The following TFCP2 variants were observed in gnomAD, a reference collection of about 807,000 sequenced individuals.
TFCP2 encodes alpha-globin transcription factor CP2.
A neutral mutation model predicts 73.4 loss-of-function variants in TFCP2; 33 were observed. The observed-to-expected ratio is 0.45, with a 90% CI of 0.34 to 0.60. TFCP2 has a LOEUF of 0.60. TFCP2 is among the 20% of genes least tolerant of loss of function. TFCP2 has a pLI of 0.01. For synonymous variants in TFCP2, 193 were observed against 211.6 expected, an observed-to-expected ratio of 0.91 and a Z score of 0.76; for missense variants, 352 against 604.0, an observed-to-expected ratio of 0.58 and a Z score of 4.37.
chr12:51,144,006 A>G lies in TFCP2; in HGVS notation c.123-25234T>C, dbSNP rs561995274. The stretch of plus-strand genomic sequence containing the variant: ...AGGTTCAATTCCAATAAATATTGCA[A>G]TAGATTCAACTTGACAAGATGATTC... On this transcript the variant is annotated intron_variant, in intron 1 of 14. Transcript: ENST00000257915. Among the ~76,000 whole-genome samples the G allele has an allele frequency of 9.2e-5, 14 of 152,318 alleles. No homozygotes were observed. In the South Asian group the frequency reaches 2.5e-3, roughly 27 times the overall value.
At chr12:51,098,012 C>T (rs1324807940) in intron 13 of TFCP2, among the ~76,000 whole-genome samples, 1 of 149,418 alleles carries the variant, frequency 6.7e-6, no homozygotes, top group East Asian at 2.0e-4. Flanking sequence ...GAGACTCTGT[C>T]TCAAAAAAAA....
At chr12:51,161,408 C>A (rs1039177410) in intron 1 of TFCP2, among the ~76,000 whole-genome samples, 2 of 151,758 alleles carry the variant, frequency 1.3e-5, no homozygotes, top group African/African-American at 4.8e-5. Context: ...TGGCTGGGCA[C>A]AGTGGCTCAC....
chr12:51,154,689 A>C (rs1941500808), intron 1 of TFCP2, among the ~76,000 whole-genome samples: 1 of 152,146 alleles, frequency 6.6e-6, no homozygotes, highest in African/African-American at 2.4e-5. Flanking sequence ...GTGAGAGTCC[A>C]TCTCTAAATA....
chr12:51,158,579 C>T (rs953174891), intron 1 of TFCP2, among the ~76,000 whole-genome samples: 2 of 151,880 alleles, frequency 1.3e-5, no homozygotes, highest in Admixed American at 6.6e-5. Flanking sequence ...ACCTCTGCCT[C>T]CCAGGTTCAT....
chr12:51,116,297 TAG>T lies in TFCP2; in HGVS notation c.457+16_457+17del, dbSNP rs1566207155. ...ATAGCTAAAGGCATTTCCTAGGCAA[TAG>T]ATTCTCTTAACTCACCTATGTCAAG... On this transcript the variant is annotated intron_variant, in intron 4 of 14. Transcript: ENST00000257915. 1 of 1,474,286 alleles carries T rather than the reference TAG, an allele frequency of 6.8e-7. No homozygotes were observed. Among genetic ancestry groups the T allele is most frequent in the African/African-American group, 1.4e-5 (1 of 71,932 alleles). 91.3% of individuals were successfully genotyped at this position (1,474,286 alleles called of 1,614,324 possible).
chr12:51,137,064 TG>T (rs1206442847), intron 1 of TFCP2, among the ~76,000 whole-genome samples: 1 of 152,214 alleles, frequency 6.6e-6, no homozygotes, highest in Non-Finnish European at 1.5e-5. Flanking sequence ...GTTTCCCACA[TG>T]TCAAAACTGG....
At chr12:51,109,045 T>A in intron 6 of TFCP2, 76 bp downstream of exon 6, 1 of 1,513,116 alleles carries the variant, frequency 6.6e-7, no homozygotes, top group Non-Finnish European at 9.0e-7. Context: ...AAGTTGATTT[T>A]CTGACTTGGT....
intron 1 of TFCP2, among the ~76,000 whole-genome samples, chr12:51,158,764 C>T (rs1373782459): frequency 6.6e-6 from 1 of 150,764 alleles, no homozygotes; most frequent in African/African-American, 2.4e-5. Context: ...GCTGAGATTA[C>T]AGGCGTGACC....
chr12:51,125,132 G>A, intron 1 of TFCP2: 1 of 744,866 alleles, frequency 1.3e-6, no homozygotes, highest in East Asian at 2.6e-5. Context: ...GCTGGAAGAT[G>A]ATGCGCAGTG....
chr12:51,122,412 C>G (rs952311353), intron 1 of TFCP2, among the ~76,000 whole-genome samples: 1 of 151,722 alleles, frequency 6.6e-6, no homozygotes, highest in African/African-American at 2.4e-5. Context: ...GCACCTGCTA[C>G]CACACTCAGC....
intron 1 of TFCP2, among the ~76,000 whole-genome samples, chr12:51,141,083 A>T (rs1053998169): frequency 8.4e-6 from 1 of 119,018 alleles, no homozygotes; most frequent in Non-Finnish European, 1.8e-5. Flanking sequence ...TAATAATAAT[A>T]AAAAAATAAT....
At chr12:51,159,176 C>T (rs904332423) in intron 1 of TFCP2, among the ~76,000 whole-genome samples, 4 of 77,096 alleles carry the variant, frequency 5.2e-5, no homozygotes, top group African/African-American at 1.5e-4. Flanking sequence ...GAGACTCTGT[C>T]TCAAAAAAAA....
At chr12:51,125,322 C>T in intron 1 of TFCP2, 1 of 526,076 alleles carries the variant, frequency 1.9e-6, no homozygotes, top group South Asian at 1.5e-5. Context: ...CCAACATCCA[C>T]ATTATATAAG....
rs869123355 is a variant in TFCP2, at chr12:51,132,357, C to CTTTTT, written c.123-13590_123-13586dup. On this transcript the variant is annotated intron_variant, in intron 1 of 14. Coordinates refer to ENST00000257915, the MANE Select transcript of TFCP2 (RefSeq NM_005653.5). ...TGCAAGTTCTGGTTTAGGGATTAGTCTTTTTTTTTTTTTTTTTTTTTTTTT... is the reference window on the plus strand; with the variant it reads ...TGCAAGTTCTGGTTTAGGGATTAGTCTTTTTTTTTTTTTTTTTTTTTTTTTTTTTT... 2.5e-3 allele frequency among the ~76,000 whole-genome samples: 156 copies of CTTTTT among 61,772 alleles called. 43 individuals carry two copies. The highest frequency in any genetic ancestry group is 6.2e-3 in the African/African-American group (107 of 17,220). 40.5% of individuals were successfully genotyped at this position (61,772 alleles called of 152,430 possible).
intron 9 of TFCP2, 118 bp downstream of exon 9, chr12:51,104,037 G>T: frequency 9.4e-7 from 1 of 1,058,890 alleles, no homozygotes; most frequent in Non-Finnish European, 1.5e-6. Context: ...TTCAATAAAT[G>T]TTTGTTTAAT....
At chr12:51,120,974 G>A (rs2136988050) in intron 1 of TFCP2, among the ~76,000 whole-genome samples, 1 of 149,298 alleles carries the variant, frequency 6.7e-6, no homozygotes, top group East Asian at 2.0e-4. Flanking sequence ...ATGAGTACAA[G>A]AGGGTTCATC....
At chr12:51,109,377 T>G (rs1391459220) in intron 5 of TFCP2, 104 bp from the exon 6 acceptor site, 1 of 1,151,188 alleles carries the variant, frequency 8.7e-7, no homozygotes, top group Non-Finnish European at 1.2e-6. Context: ...CCAGGCATTA[T>G]GAATACCTAC....
Position 51,110,925 on chromosome 12 carries a change from T to C in TFCP2, c.516A>G (p.Thr172=). 1.2e-6 allele frequency: 2 copies of C among 1,614,104 alleles called. No homozygotes were observed. The highest frequency in any genetic ancestry group is 1.6e-4 in the Middle Eastern group (1 of 6,062). The change falls in exon 5 of 15, where the codon ACA becomes ACG. Residue 172 remains threonine, a synonymous_variant. Coordinates refer to ENST00000257915, the MANE Select transcript of TFCP2 (RefSeq NM_005653.5). ...DPRANPTQLN[T]VEFLWDPAKR... The stretch of plus-strand genomic sequence containing the variant: ...TTGCAGGGTCCCACAGGAACTCCAC[T>C]GTATTTAGTTGAGTTGGATTAGCCC...
intron 1 of TFCP2, among the ~76,000 whole-genome samples, chr12:51,123,309 T>C (rs1940727683): frequency 6.6e-6 from 1 of 152,244 alleles, no homozygotes; most frequent in African/African-American, 2.4e-5. Context: ...GCATTTCTTT[T>C]AGTCTGCTGC....
Sources: gnomAD v4.1 joint callset for allele counts (sites outside exome capture counted in the v4.1 genomes callset) on GRCh38, gnomAD v4.1.1 for gene constraint, MANE v1.5 for transcripts, NCBI Gene and HGNC (gene_info 2026-07-23, HGNC 2026-07-21) for gene names.